EHHADH: variants seen among roughly 807,000 people sequenced by gnomAD.
EHHADH encodes enoyl-CoA hydratase and 3-hydroxyacyl CoA dehydrogenase, also known as peroxisomal bifunctional enzyme.
Under a neutral mutation model 64.4 loss-of-function variants are expected in EHHADH, and 48 were observed. The observed-to-expected ratio is 0.75, with a 90% CI of 0.59 to 0.95. EHHADH has a LOEUF of 0.95. Among genes scored for constraint, EHHADH ranks in the 40% least tolerant of loss-of-function variants. The pLI is 0.00. For synonymous variants in EHHADH, 308 were observed against 326.7 expected (o/e 0.94, Z 0.62); for missense variants, 854 against 876.6 (o/e 0.97, Z 0.33).
intron 3 of EHHADH, 45 bp from the exon 4 acceptor site, chr3:185,229,588 T>A (rs1312954182): frequency 4.0e-6 from 5 of 1,247,954 alleles, no homozygotes; most frequent in Non-Finnish European, 5.4e-6. Context: ...TGAGATGGTA[T>A]GTTCAGAGTT....
chr3:185,235,495 T>C, intron 2 of EHHADH, 33 bp from the exon 3 acceptor site: 1 of 1,564,178 alleles, frequency 6.4e-7, no homozygotes, highest in Non-Finnish European at 8.7e-7. Flanking sequence ...AAAACAGAGT[T>C]GAGAAATACA....
chr3:185,205,095 TTAA>T, intron 5 of EHHADH, among the ~76,000 whole-genome samples: 1 of 151,676 alleles, frequency 6.6e-6, no homozygotes, highest in East Asian at 1.9e-4. Flanking sequence ...TAATCTGTAA[TTAA>T]TATTAATATA....
At chr3:185,248,575 G>C in intron 1 of EHHADH, 58 bp from the exon 2 acceptor site, 1 of 1,315,346 alleles carries the variant, frequency 7.6e-7, no homozygotes, top group Non-Finnish European at 1.1e-6. Context: ...CTACCATTCA[G>C]AGTGTTTTCC....
intron 1 of EHHADH, 140 bp downstream of exon 1, chr3:185,253,809 A>C: frequency 2.2e-6 from 3 of 1,375,098 alleles, no homozygotes; most frequent in Non-Finnish European, 2.8e-6. Context: ...AAGAAAAAAA[A>C]AGTTCCTGGC....
intron 4 of EHHADH, among the ~76,000 whole-genome samples, chr3:185,228,817 T>A (rs2108643986): frequency 6.6e-6 from 1 of 152,284 alleles, no homozygotes; most frequent in East Asian, 1.9e-4. Context: ...TATTACAATT[T>A]TTTTTTAGAT....
intron 1 of EHHADH, among the ~76,000 whole-genome samples, chr3:185,250,107 G>A (rs1191395551): frequency 6.6e-6 from 1 of 152,214 alleles, no homozygotes; most frequent in African/African-American, 2.4e-5. Context: ...ACTGCTGTGA[G>A]AGAAATTAGC....
intron 5 of EHHADH, 113 bp from the exon 6 acceptor site, chr3:185,204,870 T>C: frequency 2.4e-6 from 2 of 825,746 alleles, no homozygotes; most frequent in Non-Finnish European, 3.7e-6. Context: ...CTAAAAGCTA[T>C]TCATTAAGAC....
At chr3:185,238,487 A>C (rs1177988559) in intron 2 of EHHADH, among the ~76,000 whole-genome samples, 1 of 152,076 alleles carries the variant, frequency 6.6e-6, no homozygotes, top group Non-Finnish European at 1.5e-5. Context: ...GTTTTGATTT[A>C]CATTTCTCTG....
At chr3:185,227,220 G>A (rs1293749429) in intron 4 of EHHADH, among the ~76,000 whole-genome samples, 3 of 152,162 alleles carry the variant, frequency 2.0e-5, no homozygotes, top group African/African-American at 7.2e-5. Flanking sequence ...TACTAAAAAA[G>A]ACAGATCTTT....
chr3:185,192,589 A>G lies in EHHADH; in HGVS notation c.1809T>C (p.Tyr603=). The G allele has an allele frequency of 6.2e-7, 1 of 1,614,192 alleles. No individual in the cohort carries two copies. The highest frequency in any genetic ancestry group is 1.1e-5 in the South Asian group (1 of 91,078). Residue 603 remains tyrosine (Y), a synonymous_variant, in exon 7 of 7, where the codon TAT becomes TAC. Transcript: ENST00000231887. ...GTGGTTCAATGTGATGGGTTTTTCT[A>G]TACCGTGATAGGAATTTGGAAAGCC... is the stretch of plus-strand genomic sequence containing the variant. ...DPWLSKFLSR[Y]RKTHHIEPRT... is the part of the protein sequence containing the mutation.
chr3:185,199,485 T>G (rs1577354552), intron 6 of EHHADH, among the ~76,000 whole-genome samples: 2 of 152,356 alleles, frequency 1.3e-5, no homozygotes, highest in Non-Finnish European at 2.9e-5. Flanking sequence ...AGAATGACTC[T>G]GAGGCCTTGC....
At chr3:185,206,106 C>T (rs1273415940) in intron 5 of EHHADH, among the ~76,000 whole-genome samples, 2 of 152,066 alleles carry the variant, frequency 1.3e-5, no homozygotes, top group East Asian at 3.9e-4. Flanking sequence ...AGATTCTAGT[C>T]CCCTAAGGGC....
intron 5 of EHHADH, among the ~76,000 whole-genome samples, chr3:185,217,884 C>G (rs1718731295): frequency 6.6e-6 from 1 of 151,670 alleles, no homozygotes; most frequent in African/African-American, 2.4e-5. Flanking sequence ...CCTGCCTCAG[C>G]CTCCCGAGTA....
intron 4 of EHHADH, among the ~76,000 whole-genome samples, chr3:185,219,056 T>TA (rs750890313): frequency 3.3e-5 from 5 of 151,608 alleles, no homozygotes; most frequent in East Asian, 1.9e-4. Flanking sequence ...AGAGAAAATT[T>TA]AAAAAAAAGA....
At chr3:185,194,910 A>T (rs1560005387) in intron 6 of EHHADH, among the ~76,000 whole-genome samples, 1 of 151,830 alleles carries the variant, frequency 6.6e-6, no homozygotes, top group Non-Finnish European at 1.5e-5. Flanking sequence ...TAGAACTGAT[A>T]GCCAAAAGCA....
At position 185,224,912 on chromosome 3, in the gene EHHADH, A is replaced by G. The variant is rs375482508; in HGVS notation, c.463+4520T>C. 6.6e-5 allele frequency among the ~76,000 whole-genome samples: 10 copies of G among 152,296 alleles called. No individual in the cohort carries two copies. In the East Asian group the frequency reaches 1.5e-3, roughly 24 times the overall value. On this transcript the variant is annotated intron_variant, in intron 4 of 6. Coordinates refer to ENST00000231887, the MANE Select transcript of EHHADH (RefSeq NM_001966.4). ...ATAGTCCAGGGTAATCTCCCTCTCA[A>G]GATCTTTAATGTAATCACACGTACA...
chr3:185,221,215 A>G (rs1218720376), intron 4 of EHHADH, among the ~76,000 whole-genome samples: 1 of 152,126 alleles, frequency 6.6e-6, no homozygotes. Context: ...GTATCTGTAA[A>G]CCCTCAAATT....
chr3:185,198,603 C>T (rs1009152724), intron 6 of EHHADH, among the ~76,000 whole-genome samples: 2 of 151,284 alleles, frequency 1.3e-5, no homozygotes, highest in Non-Finnish European at 2.9e-5. Flanking sequence ...AATCCCAGCA[C>T]TTTGAGAAGC....
chr3:185,246,400 C>T, intron 2 of EHHADH: 1 of 612,320 alleles, frequency 1.6e-6, no homozygotes, highest in East Asian at 4.1e-5. Flanking sequence ...TTCTTTTCTT[C>T]TTGCTCACAG....
Sources: gnomAD v4.1 joint callset for allele counts (sites outside exome capture counted in the v4.1 genomes callset) on GRCh38, gnomAD v4.1.1 for gene constraint, MANE v1.5 for transcripts, NCBI Gene and HGNC (gene_info 2026-07-23, HGNC 2026-07-21) for gene names.